SOD2: variants seen among roughly 807,000 people sequenced by gnomAD.
The protein encoded by SOD2 is superoxide dismutase 2, also known as superoxide dismutase [Mn], mitochondrial.
In SOD2, 11 loss-of-function variants were observed where a neutral mutation model predicts 27.0. The observed-to-expected ratio is 0.41, with a 90% CI of 0.26 to 0.67. The LOEUF is 0.67. Ranked by LOEUF, SOD2 falls within the 30% of genes least tolerant of loss-of-function variation. SOD2 has a pLI of 0.34. For synonymous variants in SOD2, 105 were observed against 103.0 expected, an observed-to-expected ratio of 1.02 and a Z score of -0.12; for missense variants, 250 against 274.5, an observed-to-expected ratio of 0.91 and a Z score of 0.63.
At chr6:159,712,012 CATA>C (rs1777796268) in intron 1 of SOD2, among the ~76,000 whole-genome samples, 1 of 71,668 alleles carries the variant, frequency 1.4e-5, no homozygotes, top group African/African-American at 5.4e-5. Flanking sequence ...TAACCACCTC[CATA>C]ACCACCACTC....
intron 1 of SOD2, among the ~76,000 whole-genome samples, chr6:159,756,593 G>GGTTTT: frequency 1.5e-5 from 1 of 66,570 alleles, no homozygotes; most frequent in Non-Finnish European, 3.6e-5. Flanking sequence ...TATTTCTTAG[G>GGTTTT]CTTTTTTTTT....
intron 2 of SOD2, among the ~76,000 whole-genome samples, chr6:159,689,770 G>C (rs963519990): frequency 6.6e-6 from 1 of 152,002 alleles, no homozygotes; most frequent in Non-Finnish European, 1.5e-5. Context: ...GACCGGCCTG[G>C]CCAACATGGT....
chr6:159,713,197 A>G lies in SOD2; in HGVS notation c.-116+13932T>C, dbSNP rs563985109. ...ATCTATGATCAGACATTCCTGAAAA[A>G]CAGTAATTGCGGTCTTTTCCAAATC... On this transcript the variant is annotated intron_variant, in intron 1 of 2. Coordinates refer to the SOD2 transcript ENST00000401980. 1.0e-3 allele frequency: 1,111 copies of G among 1,099,686 alleles called. 2 individuals are homozygous for G. Among genetic ancestry groups the G allele is most frequent in the Non-Finnish European group, 1.4e-3 (1,048 of 760,504 alleles). The allele number at this position is 1,099,686 out of a possible 1,614,324, so 68.1% of individuals were successfully genotyped here.
rs1779949610 is a variant in SOD2 at position 159,754,912 on chromosome 6, AATTGT to A, written c.-336+6120_-336+6124del. 20 of 1,115,038 alleles carry A rather than the reference AATTGT, an allele frequency of 1.8e-5. No homozygotes were observed. The East Asian group carries it at 5.4e-4, about 30-fold the overall frequency. 69.1% of individuals were successfully genotyped at this position (1,115,038 alleles called of 1,614,324 possible). On this transcript the variant is annotated intron_variant, in intron 1 of 7. Coordinates refer to the SOD2 transcript ENST00000546087. ...ATTTTTAAATGTAGTGTGATTTTAG[AATTGT>A]ATTTGTTTACTTGAGCGTTTATTGA... is the stretch of plus-strand genomic sequence containing the variant.
chr6:159,749,479 TTAACA>T (rs1779745545), upstream of SOD2: 1 of 975,292 alleles, frequency 1.0e-6, no homozygotes, highest in Admixed American at 6.2e-5. Flanking sequence ...GTTGTACTCT[TTAACA>T]TTTTAATTTG....
chr6:159,692,721 C>G lies in SOD2; in HGVS notation c.166G>C (p.Ala56Pro), dbSNP rs1472322763. 6.2e-7 allele frequency: 1 copy of G among 1,614,134 alleles called. No homozygotes were observed. The highest frequency in any genetic ancestry group is 1.1e-5 in the South Asian group (1 of 91,080). ...ACGTTCAGGTTGTTCACGTAGGCCG[C>G]GTGGTGCTTGCTGTGGTGCAGCTGC... is the stretch of plus-strand genomic sequence containing the variant. ...IMQLHHSKHHAAYVNNLNVTE... is the reference protein window; with the variant it reads ...IMQLHHSKHHPAYVNNLNVTE... The change falls in exon 2 of 5, where the codon GCG becomes CCG. Residue 56 changes from alanine to proline, a missense_variant. By Grantham distance (27) the Ala-to-Pro change is conservative (BLOSUM62 -1). Transcript: ENST00000538183.
chr6:159,733,917 CA>C (rs200509804), intron 1 of SOD2, among the ~76,000 whole-genome samples: 189 of 150,136 alleles, frequency 1.3e-3, no homozygotes, highest in African/African-American at 4.5e-3. Context: ...ACTCCATCTC[CA>C]AAAAAAAAGA....
chr6:159,695,205 G>T (rs916794474), upstream of SOD2, among the ~76,000 whole-genome samples: 1 of 152,122 alleles, frequency 6.6e-6, no homozygotes, highest in African/African-American at 2.4e-5. Context: ...GGAAAGACTT[G>T]ATCTAGTGAT....
chr6:159,727,999 G>T (rs1778316494), upstream of SOD2, among the ~76,000 whole-genome samples: 1 of 152,274 alleles, frequency 6.6e-6, no homozygotes, highest in Non-Finnish European at 1.5e-5. Context: ...CCCGGGCTGA[G>T]CGGCGGCGCT....
At chr6:159,704,872 C>A (rs1389444954) in intron 1 of SOD2, among the ~76,000 whole-genome samples, 1 of 152,200 alleles carries the variant, frequency 6.6e-6, no homozygotes, top group Non-Finnish European at 1.5e-5. Context: ...GGGAGGCACC[C>A]CCCAGTAGGG....
chr6:159,727,774 C>T (rs1159402584), upstream of SOD2: 23 of 971,388 alleles, frequency 2.4e-5, no homozygotes, highest in Non-Finnish European at 2.6e-5. Context: ...GCGCAGCCGC[C>T]CCCGGCGGGT....
chr6:159,711,604 T>TCCATAACCACCACTCAGCTGCTCTGACCA (rs1554261335), intron 1 of SOD2, among the ~76,000 whole-genome samples: 1,080 of 59,714 alleles, frequency 0.018, 258 homozygotes, highest in African/African-American at 0.046. Context: ...CATAACCACC[T>TCCATAACCACCACTCAGCTGCTCTGACCA]CCATAACCAC....
chr6:159,697,914 C>T (rs1365039547), upstream of SOD2, among the ~76,000 whole-genome samples: 3 of 152,064 alleles, frequency 2.0e-5, no homozygotes, highest in Non-Finnish European at 4.4e-5. Flanking sequence ...CCGAGGTGGG[C>T]GGATCATCTG....
At chr6:159,719,779 A>G (rs1196347718) in intron 1 of SOD2, among the ~76,000 whole-genome samples, 1 of 146,346 alleles carries the variant, frequency 6.8e-6, no homozygotes, top group African/African-American at 2.5e-5. Context: ...GTTGGAGTGC[A>G]GTCACGCGAT....
At chr6:159,724,856 A>ATTT (rs1343956674) in intron 1 of SOD2, among the ~76,000 whole-genome samples, 1 of 151,222 alleles carries the variant, frequency 6.6e-6, no homozygotes, top group African/African-American at 2.4e-5. Flanking sequence ...TGTTCTCAAA[A>ATTT]AAGAAAAAAA....
intron 1 of SOD2, among the ~76,000 whole-genome samples, chr6:159,754,047 G>T (rs1779916967): frequency 6.6e-6 from 1 of 152,188 alleles, no homozygotes; most frequent in Non-Finnish European, 1.5e-5. Flanking sequence ...GTGAATAAGA[G>T]ATTTAATCTT....
At chr6:159,712,166 A>C (rs1408541410) in intron 1 of SOD2, among the ~76,000 whole-genome samples, 1 of 88,378 alleles carries the variant, frequency 1.1e-5, no homozygotes, top group African/African-American at 3.6e-5. Context: ...TCTGACCACC[A>C]TAACCACCTC....
At chr6:159,696,861 G>A (rs1777429242), upstream of SOD2, among the ~76,000 whole-genome samples, 1 of 152,084 alleles carries the variant, frequency 6.6e-6, no homozygotes. Context: ...AGGCAACATA[G>A]CAAGACTCTG....
chr6:159,748,149 T>G (rs1189094195), upstream of SOD2: 1 of 1,571,412 alleles, frequency 6.4e-7, no homozygotes, highest in South Asian at 1.2e-5. This position sits in a 1 kb window ranked among gnomAD's most constrained non-coding sequence, Gnocchi z 5.6. Flanking sequence ...TTATGTATGT[T>G]TCCTTTGATT....
Sources: gnomAD v4.1 joint callset for allele counts (sites outside exome capture counted in the v4.1 genomes callset) on GRCh38, gnomAD v4.1.1 for gene constraint, Gnocchi (gnomAD v3.1) non-coding constraint, MANE v1.5 for transcripts, NCBI Gene and HGNC (gene_info 2026-07-23, HGNC 2026-07-21) for gene names.